Variants in CACNA1E observed in about 807,000 individuals in gnomAD.
The protein encoded by CACNA1E is voltage-dependent R-type calcium channel subunit alpha-1E.
CACNA1E carries 40 observed loss-of-function variants against 259.2 expected under a neutral mutation model. The ratio of observed to expected loss-of-function variants is 0.15; its 90% CI spans 0.12 to 0.20. The LOEUF (loss-of-function observed/expected upper bound fraction) is 0.20. Among genes scored for constraint, CACNA1E ranks in the 10% least tolerant of loss-of-function variants. The pLI is 1.00. For missense variants in CACNA1E, 1,874 were observed against 3,040.1 expected (o/e 0.62, Z 9.02); for synonymous variants, 1,104 against 1,138.5 (o/e 0.97, Z 0.61).
intron 2 of CACNA1E, among the ~76,000 whole-genome samples, chr1:181,442,067 T>C (rs1037446934): frequency 3.9e-5 from 6 of 152,122 alleles, no homozygotes; most frequent in Admixed American, 3.3e-4. Flanking sequence ...TGGCATGCCA[T>C]GTAATAGGCT....
At chr1:181,725,628 G>T (rs1654829832) in intron 17 of CACNA1E, among the ~76,000 whole-genome samples, 1 of 152,234 alleles carries the variant, frequency 6.6e-6, no homozygotes, top group South Asian at 2.1e-4. Flanking sequence ...ACACTACAAT[G>T]GGGCACTCAG....
intron 1 of CACNA1E, among the ~76,000 whole-genome samples, chr1:181,362,861 T>A (rs1653988689): frequency 6.6e-6 from 1 of 152,216 alleles, no homozygotes; most frequent in Admixed American, 6.5e-5. Context: ...TGTTTGCAGT[T>A]TTGCCTTGGG....
At chr1:181,727,248 C>T (rs1654996802) in intron 18 of CACNA1E, among the ~76,000 whole-genome samples, 1 of 152,210 alleles carries the variant, frequency 6.6e-6, no homozygotes, top group African/African-American at 2.4e-5. Flanking sequence ...AGCGCTCCTC[C>T]TGCTTAAGAG....
chr1:181,771,703 C>T, intron 36 of CACNA1E: 1 of 465,232 alleles, frequency 2.1e-6, no homozygotes, highest in Non-Finnish European at 3.8e-6. Flanking sequence ...CAAATTTTAA[C>T]TTCAACATGG....
At chr1:181,621,712 C>G (rs1188896210) in intron 6 of CACNA1E, among the ~76,000 whole-genome samples, 1 of 152,190 alleles carries the variant, frequency 6.6e-6, no homozygotes, top group Admixed American at 6.5e-5. Flanking sequence ...TAAAGCATGA[C>G]TGTATCACAC....
At chr1:181,605,260 G>A (rs1402074154) in intron 6 of CACNA1E, among the ~76,000 whole-genome samples, 1 of 134,634 alleles carries the variant, frequency 7.4e-6, no homozygotes, top group Non-Finnish European at 1.5e-5. Flanking sequence ...CCTGCCTAAA[G>A]AAGCAGTGAA....
At chr1:181,689,163 G>A (rs1650884314) in intron 7 of CACNA1E, among the ~76,000 whole-genome samples, 1 of 151,806 alleles carries the variant, frequency 6.6e-6, no homozygotes, top group Admixed American at 6.6e-5. Context: ...CCCGGTGTGT[G>A]ATGTTCCCCT....
chr1:181,439,197 G>A (rs1660282939), intron 2 of CACNA1E, among the ~76,000 whole-genome samples: 1 of 152,120 alleles, frequency 6.6e-6, no homozygotes, highest in African/African-American at 2.4e-5. Flanking sequence ...GGGGGTTGAA[G>A]GGGGAAAAAG....
intron 6 of CACNA1E, among the ~76,000 whole-genome samples, chr1:181,609,357 T>C (rs1654533474): frequency 6.6e-6 from 1 of 152,198 alleles, no homozygotes; most frequent in Non-Finnish European, 1.5e-5. Context: ...CTTTCAAGCC[T>C]CTTGCTTTGA....
chr1:181,383,418 T>C (rs1655609229), intron 1 of CACNA1E, among the ~76,000 whole-genome samples: 1 of 152,192 alleles, frequency 6.6e-6, no homozygotes, highest in Admixed American at 6.5e-5. Flanking sequence ...TACACAGGTA[T>C]GATGATGAGG....
chr1:181,785,262 C>T lies in CACNA1E; in HGVS notation c.5579-56C>T, dbSNP rs553179185. On this transcript the variant is annotated intron_variant, in intron 41 of 47. Transcript: ENST00000367573. ...TGGGTAACAAAGCTTAGAGGTTCCT[C>T]ACTCTCTCCCATTATCTACTCCCTG... The T allele has an allele frequency of 6.0e-5, 60 of 1,001,980 alleles. No homozygotes were observed. The African/African-American group carries it at 9.1e-4, about 15-fold the overall frequency. 62.1% of individuals were successfully genotyped at this position (1,001,980 alleles called of 1,614,324 possible).
chr1:181,443,319 G>T (rs944396582), intron 2 of CACNA1E, among the ~76,000 whole-genome samples: 1 of 152,196 alleles, frequency 6.6e-6, no homozygotes, highest in African/African-American at 2.4e-5. Context: ...TCTGCTGTCT[G>T]CCTCCAGTAG....
intron 1 of CACNA1E, among the ~76,000 whole-genome samples, chr1:181,380,508 C>G (rs1655387964): frequency 6.6e-6 from 1 of 152,158 alleles, no homozygotes; most frequent in Non-Finnish European, 1.5e-5. Flanking sequence ...TCAACATCCC[C>G]CATGGACATA....
At chr1:181,751,936 C>T (rs552404649) in intron 26 of CACNA1E, 3 of 683,442 alleles carry the variant, frequency 4.4e-6, no homozygotes, top group African/African-American at 3.5e-5. Context: ...TTCATGCGTG[C>T]ACACTGGGAA....
At position 181,626,686 on chromosome 1, in the gene CACNA1E, A is replaced by G. The variant is rs891717470; in HGVS notation, c.952-24652A>G. On this transcript the variant is annotated intron_variant, in intron 6 of 47. Coordinates refer to ENST00000367573, the MANE Select transcript of CACNA1E (RefSeq NM_001205293.3). ...AGGAGGAAGTATAGGTAGTGTAAGT[A>G]TAGACGTTCTCTGAGGTCCCTCCGA... 1.6e-4 allele frequency among the ~76,000 whole-genome samples: 24 copies of G among 152,236 alleles called. 2 individuals carry two copies.
intron 2 of CACNA1E, among the ~76,000 whole-genome samples, chr1:181,440,103 G>C (rs1379486732): frequency 6.6e-6 from 1 of 152,208 alleles, no homozygotes; most frequent in Non-Finnish European, 1.5e-5. Context: ...ATGGTTTGGT[G>C]ACCAAATCTC....
chr1:181,730,363 T>C (rs575693264), intron 18 of CACNA1E, among the ~76,000 whole-genome samples: 1 of 152,350 alleles, frequency 6.6e-6, no homozygotes, highest in African/African-American at 2.4e-5. Flanking sequence ...TAGCTGAGCA[T>C]TGAACCTGTG....
chr1:181,688,896 A>G (rs1008977173), intron 7 of CACNA1E, among the ~76,000 whole-genome samples: 1 of 152,182 alleles, frequency 6.6e-6, no homozygotes, highest in African/African-American at 2.4e-5. Flanking sequence ...TAAATGAGAT[A>G]ATGCAATATT....
chr1:181,717,955 G>C, intron 11 of CACNA1E, 100 bp from the exon 12 acceptor site: 1 of 649,384 alleles, frequency 1.5e-6, no homozygotes, highest in Non-Finnish European at 2.8e-6. Flanking sequence ...ATGTCCTGAC[G>C]TGTGTTGTTG....
Sources: gnomAD v4.1 joint callset for allele counts (sites outside exome capture counted in the v4.1 genomes callset) on GRCh38, gnomAD v4.1.1 for gene constraint, MANE v1.5 for transcripts, NCBI Gene and HGNC (gene_info 2026-07-23, HGNC 2026-07-21) for gene names.